Variants in NLRP5 observed in about 807,000 individuals in gnomAD.
NLRP5 encodes NLR family pyrin domain containing 5.
NLRP5 carries 93 observed loss-of-function variants against 113.1 expected under a neutral mutation model. The observed-to-expected ratio is 0.82, with a 90% CI of 0.70 to 0.98. The LOEUF is 0.98. NLRP5 is among the 50% of genes least tolerant of loss of function. NLRP5 has a pLI of 0.00. For missense variants in NLRP5, 1,808 were observed against 1,514.3 expected (o/e 1.19, Z -3.22); for synonymous variants, 751 against 600.7 (o/e 1.25, Z -3.66).
At chr19:56,030,359 G>C (rs971556153) in intron 7 of NLRP5, among the ~76,000 whole-genome samples, 2 of 151,860 alleles carry the variant, frequency 1.3e-5, no homozygotes, top group African/African-American at 4.8e-5. Context: ...GACAGAGTGA[G>C]ACTCTATCTC....
the NLRP5 span, among the ~76,000 whole-genome samples, chr19:55,990,093 T>TTC: frequency 8.9e-3 from 1,217 of 137,382 alleles, 47 homozygotes; most frequent in East Asian, 0.054. Flanking sequence ...TTTTTTTTTT[T>TTC]TTTTTTTTTT....
At chr19:56,043,542 CTTTTTTTTTTTTTTTTTTTTT>C (rs369622191) in intron 11 of NLRP5, among the ~76,000 whole-genome samples, 17 of 92,958 alleles carry the variant, frequency 1.8e-4, no homozygotes, top group East Asian at 9.5e-4. Context: ...CTCTGCTATT[CTTTTTTTTTTTTTTTTTTTTT>C]TTTTTTTTTT....
At chr19:56,005,806 A>C (rs1981887656) in intron 2 of NLRP5, among the ~76,000 whole-genome samples, 1 of 152,176 alleles carries the variant, frequency 6.6e-6, no homozygotes, top group African/African-American at 2.4e-5. Context: ...AATGAGAGCT[A>C]GGGTTTATCA....
At position 56,028,157 on chromosome 19, in the gene NLRP5, A is replaced by G; in HGVS notation, c.1924A>G (p.Ser642Gly). Reference sequence around the variant, plus strand: ...GAAGCGTTTCTTGTTTGGCCTCGTGAGCGAAGACGTAAGGAGGCCACTGGA... The same window carrying G: ...GAAGCGTTTCTTGTTTGGCCTCGTGGGCGAAGACGTAAGGAGGCCACTGGA... Residue 642 changes from serine (S) to glycine (G), a missense_variant, in exon 7 of 15, where the codon AGC becomes GGC. Coordinates refer to ENST00000390649, the MANE Select transcript of NLRP5 (RefSeq NM_153447.4). 6.2e-7 allele frequency: 1 copy of G among 1,613,956 alleles called. No homozygotes were observed. Among genetic ancestry groups the G allele is most frequent in the Non-Finnish European group, 8.5e-7 (1 of 1,179,892 alleles).
chr19:56,024,395 CATAT>C (rs1982737899), intron 6 of NLRP5, among the ~76,000 whole-genome samples: 1 of 114,348 alleles, frequency 8.7e-6, no homozygotes, highest in African/African-American at 3.4e-5. Context: ...AACATATATA[CATAT>C]ATGTACATAT....
intron 11 of NLRP5, among the ~76,000 whole-genome samples, chr19:56,046,543 C>A (rs1437693755): frequency 1.4e-5 from 2 of 147,876 alleles, no homozygotes; most frequent in African/African-American, 5.1e-5. Context: ...GGTACCACTT[C>A]TTGTTTTTTT....
chr19:56,053,355 C>T (rs1414931656), intron 12 of NLRP5, among the ~76,000 whole-genome samples: 3 of 152,138 alleles, frequency 2.0e-5, no homozygotes, highest in Non-Finnish European at 2.9e-5. Context: ...GAGATCACAC[C>T]ATTGCACTCC....
At chr19:56,032,540 C>T (rs933244456) in intron 7 of NLRP5, 71 bp from the exon 8 acceptor site, 56 of 1,425,576 alleles carry the variant, frequency 3.9e-5, no homozygotes, top group Admixed American at 8.0e-5. Context: ...CCCTCTCCTC[C>T]GACGTGTTGC....
intron 12 of NLRP5, among the ~76,000 whole-genome samples, chr19:56,053,320 TGGGA>T (rs1367182002): frequency 6.6e-6 from 1 of 150,516 alleles, no homozygotes; most frequent in Non-Finnish European, 1.5e-5. Flanking sequence ...AGCTTGAACC[TGGGA>T]GGTGGAGGTT....
intron 14 of NLRP5, among the ~76,000 whole-genome samples, chr19:56,058,771 C>T (rs1042247700): frequency 6.6e-6 from 1 of 152,182 alleles, no homozygotes; most frequent in Admixed American, 6.6e-5. Flanking sequence ...ATTTCACACC[C>T]ATGTTCATAG....
At chr19:56,031,049 G>A (rs551993776) in intron 7 of NLRP5, among the ~76,000 whole-genome samples, 35 of 151,928 alleles carry the variant, frequency 2.3e-4, no homozygotes, top group Non-Finnish European at 4.4e-4. Context: ...AACCCATGAG[G>A]TTAGCTCCCT....
At position 56,051,051 on chromosome 19, in the gene NLRP5, A is replaced by G. The variant is rs139267907; in HGVS notation, c.3128+463A>G. 2.9e-3 allele frequency among the ~76,000 whole-genome samples: 435 copies of G among 152,326 alleles called. 2 individuals carry two copies. The highest frequency in any genetic ancestry group is 9.2e-3 in the African/African-American group (382 of 41,584). Reference sequence around the variant, plus strand: ...GCAAAAATCGATCTTCAGTCTCACAACCATGCAGTCATCCCTGTTAGTGGT... The same window carrying G: ...GCAAAAATCGATCTTCAGTCTCACAGCCATGCAGTCATCCCTGTTAGTGGT... On this transcript the variant is annotated intron_variant, in intron 12 of 14. Coordinates refer to ENST00000390649, the MANE Select transcript of NLRP5 (RefSeq NM_153447.4).
At chr19:56,015,577 G>T (rs1982372508) in intron 3 of NLRP5, among the ~76,000 whole-genome samples, 165 bp from the exon 4 acceptor site, 2 of 152,178 alleles carry the variant, frequency 1.3e-5, no homozygotes, top group African/African-American at 4.8e-5. Flanking sequence ...TAGTACTTAT[G>T]TTACTGGCGC....
the NLRP5 span, chr19:55,987,758 G>A: frequency 7.8e-7 from 1 of 1,286,392 alleles, no homozygotes; most frequent in African/African-American, 1.5e-5. Flanking sequence ...GCTTAGGGAA[G>A]TCACTCATCC....
intron 11 of NLRP5, among the ~76,000 whole-genome samples, chr19:56,044,189 C>T (rs1031933018): frequency 6.6e-6 from 1 of 151,936 alleles, no homozygotes; most frequent in South Asian, 2.1e-4. Context: ...TCAGCCTCCC[C>T]AGTAGCTGAG....
At chr19:56,022,655 C>A (rs895098351) in intron 6 of NLRP5, among the ~76,000 whole-genome samples, 1 of 151,926 alleles carries the variant, frequency 6.6e-6, no homozygotes, top group African/African-American at 2.4e-5. Context: ...CAAACACAAC[C>A]TTTTTTTCTT....
At chr19:56,019,510 C>A in intron 5 of NLRP5, 112 bp downstream of exon 5, 1 of 1,241,660 alleles carries the variant, frequency 8.1e-7, no homozygotes, top group Non-Finnish European at 1.1e-6. Flanking sequence ...TTTCTTCATT[C>A]TCATTTGTCT....
intron 14 of NLRP5, 72 bp downstream of exon 14, chr19:56,058,482 C>A: frequency 7.1e-7 from 1 of 1,402,016 alleles, no homozygotes; most frequent in Non-Finnish European, 9.7e-7. Flanking sequence ...GGTGGAGAAG[C>A]AGTTTATGGG....
chr19:55,998,631 C>T (rs964521423), upstream of NLRP5, among the ~76,000 whole-genome samples: 26 of 139,238 alleles, frequency 1.9e-4, no homozygotes, highest in South Asian at 2.3e-4. Flanking sequence ...CCAGCCCGGG[C>T]GACAATGCAA....
Sources: gnomAD v4.1 joint callset for allele counts (sites outside exome capture counted in the v4.1 genomes callset) on GRCh38, gnomAD v4.1.1 for gene constraint, MANE v1.5 for transcripts, NCBI Gene and HGNC (gene_info 2026-07-23, HGNC 2026-07-21) for gene names.